Variants in QDPR observed in about 807,000 individuals in gnomAD.
QDPR encodes the protein quinoid dihydropteridine reductase, also known as dihydropteridine reductase.
In QDPR, 23 loss-of-function variants were observed where a neutral mutation model predicts 31.7. The ratio of observed to expected loss-of-function variants is 0.73; its 90% confidence interval spans 0.52 to 1.03. The LOEUF is 1.03. Among genes scored for constraint, QDPR ranks in the 50% least tolerant of loss-of-function variants. QDPR has a pLI of 0.00. For missense variants in QDPR, 324 were observed against 323.8 expected, an observed-to-expected ratio of 1.00 and a Z score of 0.00; for synonymous variants, 124 against 124.7, an observed-to-expected ratio of 0.99 and a Z score of 0.03.
Position 17,510,242 on chromosome 4 carries a change from C to A in QDPR, c.106-879G>T, listed in dbSNP as rs192859174. On this transcript the variant is annotated intron_variant, in intron 1 of 6. Coordinates refer to ENST00000281243, the MANE Select transcript of QDPR (RefSeq NM_000320.3). ...AGGGATGGACTTTAGGATTGGAAATCAGACAGATCAGGTTTGAATCCCAGC... is the reference window on the plus strand; with the variant it reads ...AGGGATGGACTTTAGGATTGGAAATAAGACAGATCAGGTTTGAATCCCAGC... 1.3e-3 allele frequency among the ~76,000 whole-genome samples: 191 copies of A among 152,338 alleles called. 1 individual carries two copies. The highest frequency in any genetic ancestry group is 4.2e-3 in the African/African-American group (175 of 41,594).
intron 6 of QDPR, 34 bp downstream of exon 6, chr4:17,490,628 G>A (rs376684389): frequency 1.3e-6 from 2 of 1,535,704 alleles, no homozygotes; most frequent in Non-Finnish European, 1.8e-6. Context: ...GGGGCTGGAA[G>A]CTGCTCAGTC....
At chr4:17,500,712 C>A (rs1379099358) in intron 4 of QDPR, among the ~76,000 whole-genome samples, 6 of 152,186 alleles carry the variant, frequency 3.9e-5, no homozygotes, top group Admixed American at 3.3e-4. Context: ...GCCACCCAGT[C>A]TGTGGCTACC....
intron 1 of QDPR, chr4:17,509,799 T>C (rs186601978): frequency 6.1e-5 from 22 of 361,768 alleles, no homozygotes; most frequent in East Asian, 5.2e-4. Context: ...ACACCCTATA[T>C]TGGGCTCCAT....
intron 3 of QDPR, 106 bp downstream of exon 3, chr4:17,504,273 G>C: frequency 1.1e-6 from 1 of 893,264 alleles, no homozygotes; most frequent in Non-Finnish European, 1.9e-6. Context: ...AAGATTCCGG[G>C]ATATACACAA....
chr4:17,508,030 G>T (rs1718849441), intron 2 of QDPR, among the ~76,000 whole-genome samples: 1 of 152,212 alleles, frequency 6.6e-6, no homozygotes, highest in African/African-American at 2.4e-5. Flanking sequence ...ACGTAGTTTT[G>T]TTGGACTTTT....
chr4:17,505,247 T>TC (rs973042201), intron 2 of QDPR, among the ~76,000 whole-genome samples: 2 of 145,990 alleles, frequency 1.4e-5, no homozygotes, highest in African/African-American at 5.0e-5. Context: ...AGATTTCTTT[T>TC]TTTTTTTTTT....
intron 3 of QDPR, among the ~76,000 whole-genome samples, chr4:17,502,078 A>G (rs1198379193): frequency 6.6e-6 from 1 of 152,152 alleles, no homozygotes; most frequent in African/African-American, 2.4e-5. Flanking sequence ...TTACCTATAC[A>G]CTGGCAAAAT....
At position 17,492,284 on chromosome 4, in the gene QDPR, C is replaced by T. The variant is rs1345547809; in HGVS notation, c.493G>A (p.Ala165Thr). The change falls in exon 5 of 7, where the codon GCT (alanine) becomes ACT (threonine). Residue 165 changes from alanine (A) to threonine (T), a missense_variant. Transcript: ENST00000281243. ...GAVHQLCQSL[A>T]GKNSGMPPGA... ...GGCGGCATGCCGCTGTTCTTCCCAG[C>T]CAGGCTCTGGCAGAGCTGGTGAACA... The T allele has an allele frequency of 6.2e-7, 1 of 1,614,214 alleles. No individual in the cohort carries two copies. The highest frequency in any genetic ancestry group is 1.6e-4 in the Middle Eastern group (1 of 6,062).
intron 4 of QDPR, among the ~76,000 whole-genome samples, chr4:17,496,048 A>T (rs1282562719): frequency 1.3e-5 from 2 of 151,872 alleles, no homozygotes; most frequent in Non-Finnish European, 2.9e-5. Context: ...TAAATAAATA[A>T]ATACTTTATT....
At chr4:17,487,876 C>T (rs1327241662) in intron 6 of QDPR, among the ~76,000 whole-genome samples, 1 of 152,162 alleles carries the variant, frequency 6.6e-6, no homozygotes, top group African/African-American at 2.4e-5. Flanking sequence ...CAGTGGTGTA[C>T]TCATTCTAAT....
At chr4:17,511,075 A>T (rs937196808) in intron 1 of QDPR, among the ~76,000 whole-genome samples, 1 of 151,900 alleles carries the variant, frequency 6.6e-6, no homozygotes, top group Non-Finnish European at 1.5e-5. Flanking sequence ...AAAATTAGAT[A>T]GTTTTTTTTT....
chr4:17,508,419 G>GT (rs1718865753), intron 2 of QDPR, among the ~76,000 whole-genome samples: 1 of 152,158 alleles, frequency 6.6e-6, no homozygotes, highest in South Asian at 2.1e-4. Flanking sequence ...AGTGTCAACA[G>GT]TAGAGCAAGA....
Position 17,487,154 on chromosome 4 carries a change from C to T in QDPR, c.712G>A (p.Glu238Lys). 1.2e-6 allele frequency: 2 copies of T among 1,614,174 alleles called. No individual in the cohort carries two copies. The highest frequency in any genetic ancestry group is 8.5e-7 in the Non-Finnish European group (1 of 1,180,028). The change falls in exon 7 of 7, where the codon GAA becomes AAA. Residue 238 changes from glutamate (E) to lysine (K), a missense_variant. Glu to Lys is a moderately conservative substitution (Grantham distance 56). Transcript: ENST00000281243. ...IQVVTTEGRT[E>K]LTPAYF ...GCCTAAAAATATGCTGGGGTGAGTT[C>T]CGTCCTTCCTTCTGTGGTTACCACC...
At chr4:17,509,421 T>C in intron 1 of QDPR, 58 bp from the exon 2 acceptor site, 1 of 1,480,118 alleles carries the variant, frequency 6.8e-7, no homozygotes, top group Non-Finnish European at 9.4e-7. Context: ...CATGAAAGAG[T>C]CACACATAGA....
intron 1 of QDPR, among the ~76,000 whole-genome samples, chr4:17,511,143 T>TGCTGCTGCTGC (rs1372514966): frequency 6.6e-6 from 1 of 152,150 alleles, no homozygotes; most frequent in Non-Finnish European, 1.5e-5. Context: ...CAGGCTGCTG[T>TGCTGCTGCTGC]GCTGCTGCTG....
At chr4:17,509,949 C>T (rs1718946196) in intron 1 of QDPR, 1 of 456,046 alleles carries the variant, frequency 2.2e-6, no homozygotes, top group Non-Finnish European at 4.4e-6. Flanking sequence ...GCTTTGCTGG[C>T]CATATGGTAT....
At chr4:17,501,694 C>T (rs1488165164) in intron 4 of QDPR, 25 bp downstream of exon 4, 4 of 1,612,778 alleles carry the variant, frequency 2.5e-6, no homozygotes, top group Middle Eastern at 1.8e-4. Context: ...AACCCCACTC[C>T]ACAGATAGGG....
chr4:17,505,996 C>T (rs1442062042), intron 2 of QDPR, among the ~76,000 whole-genome samples: 1 of 152,196 alleles, frequency 6.6e-6, no homozygotes, highest in African/African-American at 2.4e-5. Context: ...TCTACAGGGA[C>T]ATTAGAAACC....
intron 2 of QDPR, among the ~76,000 whole-genome samples, chr4:17,507,788 G>A (rs58979815): frequency 6.6e-6 from 1 of 152,032 alleles, no homozygotes; most frequent in Non-Finnish European, 1.5e-5. Flanking sequence ...ATTTTTAGTA[G>A]AGACGGGGTT....
Sources: gnomAD v4.1 joint callset for allele counts (sites outside exome capture counted in the v4.1 genomes callset) on GRCh38, gnomAD v4.1.1 for gene constraint, MANE v1.5 for transcripts, NCBI Gene and HGNC (gene_info 2026-07-23, HGNC 2026-07-21) for gene names.